The following GATA4 variants were observed in gnomAD, a reference collection of about 807,000 sequenced individuals.
GATA4 encodes the protein transcription factor GATA-4.
Under a neutral mutation model 37.9 loss-of-function variants are expected in GATA4, and 7 were observed. The observed-to-expected ratio is 0.18, with a 90% CI of 0.11 to 0.35. The LOEUF is 0.35. Ranked by LOEUF, GATA4 falls within the 10% of genes least tolerant of loss-of-function variation. The pLI, the probability that GATA4 is intolerant of heterozygous loss-of-function variation, is 1.00. For synonymous variants in GATA4, 372 were observed against 292.6 expected, an observed-to-expected ratio of 1.27 and a Z score of -2.77; for missense variants, 647 against 653.0, an observed-to-expected ratio of 0.99 and a Z score of 0.10.
chr8:11,743,025 C>T (rs1263803142), intron 2 of GATA4, among the ~76,000 whole-genome samples: 4 of 152,222 alleles, frequency 2.6e-5, no homozygotes, highest in East Asian at 1.9e-4. Flanking sequence ...TCCTTGGCCC[C>T]CTCTGGCCCC....
At chr8:11,730,419 A>G (rs551438470) in intron 2 of GATA4, among the ~76,000 whole-genome samples, 2 of 152,370 alleles carry the variant, frequency 1.3e-5, no homozygotes, top group South Asian at 4.1e-4. Flanking sequence ...GAAGGTGAAC[A>G]GTCACTGTCG....
chr8:11,759,430 C>G lies in GATA4; in HGVS notation c.*955C>G, dbSNP rs555781562. On this transcript the variant is annotated 3_prime_UTR_variant, in exon 7 of 7. Transcript: ENST00000532059. ...TCCTGGTCAGGGGGCAGGAGTGTCC[C>G]AAGGGCTGGCCCACCTGCTGTCTGT... is the stretch of plus-strand genomic sequence containing the variant. The G allele has an allele frequency of 3.9e-4, 59 of 152,498 alleles. No homozygotes were observed. The highest frequency in any genetic ancestry group is 1.2e-3 in the African/African-American group (51 of 41,596). 9.4% of individuals were successfully genotyped at this position (152,498 alleles called of 1,614,324 possible). A position where few individuals can be genotyped will look rare whatever the true frequency, so the allele number is the denominator to read the frequency against.
rs773581495 is a variant in GATA4 at position 11,708,454 on chromosome 8, G to T, written c.142G>T (p.Val48Leu). ...GCCCACACCGCGGGTGCCCTCCTCC[G>T]TGCTGGGCCTGTCCTACCTCCAGGG... ...YVPTPRVPSS[V>L]LGLSYLQGGG... The change falls in exon 2 of 7, where the codon GTG (valine) becomes TTG (leucine). Residue 48 changes from valine (V) to leucine (L), a missense_variant. Physicochemically the swap from Val to Leu is conservative, Grantham distance 32 (BLOSUM62 1). Around this residue, in one of 5 missense-constraint regions of GATA4, gnomAD observed 379 missense variants for 334.5 expected, o/e 1.13. Coordinates refer to ENST00000532059, the MANE Select transcript of GATA4 (RefSeq NM_001308093.3). The surrounding 1 kb of genome is among the most constrained non-coding windows in gnomAD (Gnocchi z 6.7). 2.0e-6 allele frequency: 3 copies of T among 1,532,004 alleles called. No homozygotes were observed. The highest frequency in any genetic ancestry group is 2.6e-6 in the Non-Finnish European group (3 of 1,145,288). The allele number at this position is 1,532,004 out of a possible 1,614,324, so 94.9% of individuals were successfully genotyped here.
At chr8:11,748,319 G>A (rs1340722832) in intron 2 of GATA4, among the ~76,000 whole-genome samples, 1 of 152,142 alleles carries the variant, frequency 6.6e-6, no homozygotes, top group Non-Finnish European at 1.5e-5. Flanking sequence ...TTGAGCCCAG[G>A]GGTTCAAGGC....
chr8:11,703,226 G>T (rs1053404369), upstream of GATA4, among the ~76,000 whole-genome samples: 2 of 152,138 alleles, frequency 1.3e-5, no homozygotes, highest in Non-Finnish European at 2.9e-5. Context: ...CCCGCCGGCT[G>T]TTATCTGGGG....
At chr8:11,688,597 G>T (rs1055230657), upstream of GATA4, among the ~76,000 whole-genome samples, 1 of 152,090 alleles carries the variant, frequency 6.6e-6, no homozygotes. Flanking sequence ...GTTATGTGAT[G>T]CCCAGAGTCA....
chr8:11,750,430 G>T (rs906482459), intron 4 of GATA4, among the ~76,000 whole-genome samples, 194 bp downstream of exon 4: 1 of 152,216 alleles, frequency 6.6e-6, no homozygotes, highest in African/African-American at 2.4e-5. Context: ...CCGTTTTACA[G>T]ATGAGCAGGC....
upstream of GATA4, among the ~76,000 whole-genome samples, chr8:11,687,950 A>G (rs184353963): frequency 8.5e-5 from 13 of 152,220 alleles, no homozygotes; most frequent in African/African-American, 3.1e-4. Flanking sequence ...GACCAATGTC[A>G]TTTTTAAAAA....
intron 2 of GATA4, among the ~76,000 whole-genome samples, chr8:11,732,903 G>A (rs116552479): frequency 0.018 from 2,794 of 152,102 alleles, 78 homozygotes; most frequent in South Asian, 0.095. Context: ...GAAAGACTTC[G>A]AGAGCTGGTC....
At chr8:11,729,710 T>C (rs1217264482) in intron 2 of GATA4, among the ~76,000 whole-genome samples, 1 of 152,202 alleles carries the variant, frequency 6.6e-6, no homozygotes, top group African/African-American at 2.4e-5. Context: ...ATTATCATGA[T>C]GCAAAATTGT....
At chr8:11,702,815 C>A (rs1365194559), upstream of GATA4, among the ~76,000 whole-genome samples, 2 of 152,310 alleles carry the variant, frequency 1.3e-5, no homozygotes, top group African/African-American at 4.8e-5. The surrounding 1 kb of genome is among the most constrained non-coding windows in gnomAD (Gnocchi z 4.4). Context: ...CAGGCAGCCT[C>A]AGTTTCCTTT....
upstream of GATA4, among the ~76,000 whole-genome samples, chr8:11,688,774 C>A (rs138862062): frequency 6.6e-6 from 1 of 152,302 alleles, no homozygotes; most frequent in Non-Finnish European, 1.5e-5. Flanking sequence ...AATTCATAGG[C>A]AGAAAATAAG....
chr8:11,683,051 C>T (rs757932070), intron 1 of GATA4: 40 of 985,222 alleles, frequency 4.1e-5, no homozygotes, highest in Non-Finnish European at 4.6e-5. Context: ...CTCGACAGCT[C>T]TCTGGTGTCT....
At chr8:11,737,755 A>G (rs1477231169) in intron 2 of GATA4, among the ~76,000 whole-genome samples, 1 of 152,204 alleles carries the variant, frequency 6.6e-6, no homozygotes, top group Admixed American at 6.5e-5. Context: ...GTAGGAAAGG[A>G]AGGTGGGAGA....
intron 1 of GATA4, chr8:11,683,046 C>G: frequency 1.0e-6 from 1 of 985,320 alleles, no homozygotes; most frequent in Non-Finnish European, 1.2e-6. Flanking sequence ...GGTTTCTCGA[C>G]AGCTCTCTGG....
At chr8:11,732,248 A>G (rs1247864386) in intron 2 of GATA4, among the ~76,000 whole-genome samples, 1 of 152,222 alleles carries the variant, frequency 6.6e-6, no homozygotes, top group Non-Finnish European at 1.5e-5. Context: ...GCTCTACCTA[A>G]GATGTCTGCC....
At chr8:11,732,241 C>G (rs1263270671) in intron 2 of GATA4, among the ~76,000 whole-genome samples, 2 of 152,200 alleles carry the variant, frequency 1.3e-5, no homozygotes, top group East Asian at 3.8e-4. Flanking sequence ...GCTTCATGCT[C>G]TACCTAAGAT....
At chr8:11,722,274 CCA>C (rs1800712050) in intron 2 of GATA4, among the ~76,000 whole-genome samples, 3 of 152,196 alleles carry the variant, frequency 2.0e-5, no homozygotes, top group South Asian at 2.1e-4. Flanking sequence ...TCACTTTCCC[CCA>C]CACAGTGTTA....
intron 2 of GATA4, among the ~76,000 whole-genome samples, chr8:11,722,903 G>C (rs1423964064): frequency 6.6e-6 from 1 of 152,176 alleles, no homozygotes; most frequent in Non-Finnish European, 1.5e-5. Context: ...TTGAATATTT[G>C]GTTACTTGGA....
Sources: gnomAD v4.1 joint callset for allele counts (sites outside exome capture counted in the v4.1 genomes callset) on GRCh38, gnomAD v4.1.1 for gene constraint, gnomAD v4.1.1 regional missense constraint, Gnocchi (gnomAD v3.1) non-coding constraint, MANE v1.5 for transcripts, NCBI Gene and HGNC (gene_info 2026-07-23, HGNC 2026-07-21) for gene names.